The following TNFRSF10B variants were observed in gnomAD, a reference collection of about 807,000 sequenced individuals.
TNFRSF10B encodes TNF receptor superfamily member 10b.
TNFRSF10B carries 35 observed loss-of-function variants against 41.4 expected under a neutral mutation model. That is an observed-to-expected ratio of 0.85 (90% CI 0.65 to 1.12). The LOEUF (loss-of-function observed/expected upper bound fraction) is 1.12. Ranked by LOEUF, TNFRSF10B falls within the 50% of genes most tolerant of loss-of-function variation. TNFRSF10B has a pLI of 0.00. For synonymous variants in TNFRSF10B, 230 were observed against 215.5 expected (o/e 1.07, Z -0.59); for missense variants, 584 against 552.7 (o/e 1.06, Z -0.57).
intron 7 of TNFRSF10B, among the ~76,000 whole-genome samples, chr8:23,026,538 T>C (rs1452559515): frequency 1.3e-5 from 2 of 152,206 alleles, no homozygotes; most frequent in Non-Finnish European, 2.9e-5. Context: ...TGCAGGAAAC[T>C]GGATAGTCTC....
chr8:23,066,006 C>T (rs562913114), intron 1 of TNFRSF10B, among the ~76,000 whole-genome samples: 254 of 152,210 alleles, frequency 1.7e-3, no homozygotes, highest in Non-Finnish European at 2.3e-3. Flanking sequence ...TCATAGGTTG[C>T]GCACGGTGGC....
intron 1 of TNFRSF10B, among the ~76,000 whole-genome samples, chr8:23,044,552 G>A (rs949704476): frequency 1.3e-5 from 2 of 152,094 alleles, no homozygotes; most frequent in African/African-American, 2.4e-5. Flanking sequence ...ATGTGTCAAA[G>A]AGGAAATCAA....
At chr8:23,068,301 A>G (rs1585232656) in intron 1 of TNFRSF10B, 1 of 202,368 alleles carries the variant, frequency 4.9e-6, no homozygotes, top group African/African-American at 2.4e-5. Flanking sequence ...GCGATCTGCA[A>G]TGAGCGCCTT....
At chr8:23,031,088 AT>A (rs1296440554) in intron 2 of TNFRSF10B, among the ~76,000 whole-genome samples, 25 of 152,078 alleles carry the variant, frequency 1.6e-4, no homozygotes, top group South Asian at 2.1e-4. Context: ...TTTATTTTTT[AT>A]TTTTGAGACG....
intron 2 of TNFRSF10B, among the ~76,000 whole-genome samples, chr8:23,036,474 T>C (rs560182497): frequency 6.7e-4 from 102 of 152,306 alleles, no homozygotes; most frequent in African/African-American, 2.2e-3. Flanking sequence ...CTGCACCACA[T>C]ACAGGTAACC....
At chr8:23,047,437 T>G (rs1251952934) in intron 1 of TNFRSF10B, among the ~76,000 whole-genome samples, 1 of 151,946 alleles carries the variant, frequency 6.6e-6, no homozygotes, top group African/African-American at 2.4e-5. Context: ...GAGAAAATAT[T>G]TGCATACCAT....
intron 2 of TNFRSF10B, among the ~76,000 whole-genome samples, chr8:23,033,467 G>A (rs1221727312): frequency 1.3e-5 from 2 of 151,580 alleles, no homozygotes; most frequent in Non-Finnish European, 2.9e-5. Flanking sequence ...GGCGCCTGTA[G>A]TCCCAGCTAC....
intron 2 of TNFRSF10B, among the ~76,000 whole-genome samples, chr8:23,038,958 T>C (rs544511491): frequency 6.6e-6 from 1 of 152,002 alleles, no homozygotes; most frequent in Non-Finnish European, 1.5e-5. Flanking sequence ...TCTATCACTA[T>C]TATATGGTAA....
chr8:23,046,533 G>A (rs1458170664), intron 1 of TNFRSF10B, among the ~76,000 whole-genome samples: 23 of 151,194 alleles, frequency 1.5e-4, no homozygotes, highest in Admixed American at 1.5e-3. Context: ...GCAATCTATA[G>A]GCTCAATGTA....
At chr8:23,027,387 C>T in intron 6 of TNFRSF10B, 99 bp from the exon 7 acceptor site, 3 of 1,479,212 alleles carry the variant, frequency 2.0e-6, no homozygotes, top group Non-Finnish European at 2.8e-6. Context: ...GACATCCCCA[C>T]CCCCTCTCAG....
chr8:23,055,400 C>T (rs962806893), intron 1 of TNFRSF10B, among the ~76,000 whole-genome samples: 2 of 151,626 alleles, frequency 1.3e-5, no homozygotes, highest in Non-Finnish European at 2.9e-5. Context: ...AATACACAAG[C>T]ATGATAGAAA....
In TNFRSF10B at chr8:23,047,509, G is replaced by C. The variant is rs555362819; in HGVS notation, c.145-4266C>G. Among the ~76,000 whole-genome samples the C allele has an allele frequency of 7.3e-5, 11 of 151,488 alleles. No individual in the cohort carries two copies. In the East Asian group the frequency reaches 2.1e-3, roughly 29 times the overall value. On this transcript the variant is annotated intron_variant, in intron 1 of 8. Transcript: ENST00000276431. ...GAACTCAAATAATTCTATTCAAAGA[G>C]AAAAAATAATCTGATTACAAAATGG...
Position 23,024,172 on chromosome 8 carries a change from G to T in TNFRSF10B, c.1009+16C>A. On this transcript the variant is annotated intron_variant, in intron 8 of 8. Coordinates refer to ENST00000276431, the MANE Select transcript of TNFRSF10B (RefSeq NM_003842.5). ...TCCCTCCATTCCTGCTGCATCTCCA[G>T]GAGCAAAACACTTACTCTCAGTGGG... The T allele has an allele frequency of 6.2e-7, 1 of 1,614,106 alleles. No homozygotes were observed. Among genetic ancestry groups the T allele is most frequent in the Admixed American group, 1.7e-5 (1 of 60,022 alleles).
intron 1 of TNFRSF10B, among the ~76,000 whole-genome samples, chr8:23,063,958 G>A (rs1488280998): frequency 6.6e-6 from 1 of 152,224 alleles, no homozygotes; most frequent in Admixed American, 6.5e-5. Flanking sequence ...AGGACACAAC[G>A]TCTGGGTTAG....
At chr8:23,026,539 G>A (rs1811707350) in intron 7 of TNFRSF10B, among the ~76,000 whole-genome samples, 1 of 152,126 alleles carries the variant, frequency 6.6e-6, no homozygotes, top group Non-Finnish European at 1.5e-5. Flanking sequence ...GCAGGAAACT[G>A]GATAGTCTCA....
intron 1 of TNFRSF10B, among the ~76,000 whole-genome samples, chr8:23,054,976 C>A (rs1812622018): frequency 6.6e-6 from 1 of 152,034 alleles, no homozygotes; most frequent in South Asian, 2.1e-4. Context: ...AAATGGGAAA[C>A]AAGAGAGAAA....
intron 1 of TNFRSF10B, among the ~76,000 whole-genome samples, chr8:23,046,616 A>T (rs981206273): frequency 9.6e-5 from 2 of 20,744 alleles, no homozygotes; most frequent in South Asian, 1.1e-3. Flanking sequence ...ATGCAACCAT[A>T]AAAAAAAAAA....
rs1380641198 is a variant in TNFRSF10B, at chr8:23,027,717, C to T, written c.780+5G>A. On this transcript the variant is annotated splice_donor_5th_base_variant and intron_variant, in intron 6 of 8. Coordinates refer to ENST00000276431, the MANE Select transcript of TNFRSF10B (RefSeq NM_003842.5). ...AGCCCCCAGCTCCTGGAGAAATCAA[C>T]TCACTCTGTCCACACGCTCAGGGTC... 7 of 1,613,990 alleles carry T rather than the reference C, an allele frequency of 4.3e-6. No individual in the cohort carries two copies. The Admixed American group carries it at 5.0e-5, about 12-fold the overall frequency.
intron 1 of TNFRSF10B, among the ~76,000 whole-genome samples, chr8:23,046,633 A>G (rs7017925): frequency 6.8e-6 from 1 of 147,354 alleles, no homozygotes; most frequent in Non-Finnish European, 1.5e-5. Context: ...AAAAAAAAAA[A>G]ACACAAATAG....
Sources: allele counts gnomAD v4.1 joint callset (sites outside exome capture counted in the v4.1 genomes callset), GRCh38; gene constraint gnomAD v4.1.1; transcripts MANE v1.5; gene names NCBI Gene and HGNC (gene_info 2026-07-23, HGNC 2026-07-21).